Variants in TAF4 observed in about 807,000 individuals in gnomAD.
The protein encoded by TAF4 is TATA-box binding protein associated factor 4.
Under a neutral mutation model 90.3 loss-of-function variants are expected in TAF4, and 9 were observed. The ratio of observed to expected loss-of-function variants is 0.10; its 90% CI spans 0.06 to 0.17. The LOEUF is 0.17. Ranked by LOEUF, TAF4 falls within the 10% of genes least tolerant of loss-of-function variation. The probability of loss-of-function intolerance (pLI) is 1.00; values close to 1 mark genes in which losing one functional copy is unlikely to be tolerated. For synonymous variants in TAF4, 818 were observed against 638.9 expected (o/e 1.28, Z -4.23); for missense variants, 1,351 against 1,370.7 (o/e 0.99, Z 0.23).
chr20:62,036,239 G>A (rs2055932039), intron 1 of TAF4, among the ~76,000 whole-genome samples: 1 of 152,178 alleles, frequency 6.6e-6, no homozygotes, highest in Non-Finnish European at 1.5e-5. Context: ...TGGCCAGGCT[G>A]GTCTCGAACT....
At chr20:61,980,639 T>TC (rs1458314615) in intron 14 of TAF4, 1 of 152,346 alleles carries the variant, frequency 6.6e-6, no homozygotes, top group South Asian at 2.1e-4. Context: ...TAGCATCACT[T>TC]CCGGGAGGCC....
intron 1 of TAF4, among the ~76,000 whole-genome samples, chr20:62,057,213 G>A (rs1017190929): frequency 7.9e-5 from 12 of 152,170 alleles, no homozygotes; most frequent in African/African-American, 2.9e-4. Flanking sequence ...GCCCCCAGTG[G>A]ACCAGCTGAC....
At position 62,006,948 on chromosome 20, in the gene TAF4, T is replaced by C. The variant is rs1336760382; in HGVS notation, c.1975-190A>G. 1.5e-6 allele frequency: 1 copy of C among 654,652 alleles called. No homozygotes were observed. Among genetic ancestry groups the C allele is most frequent in the Non-Finnish European group, 2.2e-6 (1 of 453,570 alleles). The allele number at this position is 654,652 out of a possible 1,614,324, so 40.6% of individuals were successfully genotyped here. On this transcript the variant is annotated intron_variant, in intron 6 of 14. Coordinates refer to ENST00000252996, the MANE Select transcript of TAF4 (RefSeq NM_003185.4). This position sits in a 1 kb window ranked among gnomAD's most constrained non-coding sequence, Gnocchi z 7.0. Reference sequence around the variant, plus strand: ...CCTGCCCTCCCACTAAGTGGGATTATTCCTGATAGCAAATGTCCAAAATGT... The same window carrying C: ...CCTGCCCTCCCACTAAGTGGGATTACTCCTGATAGCAAATGTCCAAAATGT...
At chr20:61,989,238 C>A (rs1278555923) in intron 14 of TAF4, among the ~76,000 whole-genome samples, 1 of 152,080 alleles carries the variant, frequency 6.6e-6, no homozygotes. Context: ...GGAGCAGGGG[C>A]CCCAGCAATC....
At chr20:62,018,683 CAGA>C (rs2055826275) in intron 1 of TAF4, among the ~76,000 whole-genome samples, 1 of 152,232 alleles carries the variant, frequency 6.6e-6, no homozygotes, top group African/African-American at 2.4e-5. Flanking sequence ...GTGAGGAATG[CAGA>C]GAGGAGCCAA....
chr20:62,031,846 G>A (rs76715809), intron 1 of TAF4, among the ~76,000 whole-genome samples: 8 of 152,024 alleles, frequency 5.3e-5, no homozygotes, highest in Non-Finnish European at 1.2e-4. Context: ...ACCCGGAGAC[G>A]GGGCTCGCAG....
At chr20:62,050,614 G>A (rs1281461549) in intron 1 of TAF4, among the ~76,000 whole-genome samples, 2 of 152,016 alleles carry the variant, frequency 1.3e-5, no homozygotes, top group African/African-American at 4.8e-5. Flanking sequence ...AAGGACAAGA[G>A]AGTTCAATAA....
Position 62,064,578 on chromosome 20 carries a change from G to C in TAF4, c.1233C>G (p.Ser411Arg). 6.7e-7 allele frequency: 1 copy of C among 1,502,910 alleles called. No individual in the cohort carries two copies. The highest frequency in any genetic ancestry group is 8.8e-7 in the Non-Finnish European group (1 of 1,131,282). The allele number at this position is 1,502,910 out of a possible 1,614,324, so 93.1% of individuals were successfully genotyped here. ...TGGTGGCCGTGGGCGTCCGGGACAGGCTCTGGGTCACTGCGCCGGCCGCGC... is the reference window on the plus strand; with the variant it reads ...TGGTGGCCGTGGGCGTCCGGGACAGCCTCTGGGTCACTGCGCCGGCCGCGC... Reference protein sequence around the residue: ...PKGAAGAVTQSLSRTPTATTS... With the variant: ...PKGAAGAVTQRLSRTPTATTS... The change falls in exon 1 of 15, where the codon AGC becomes AGG. Residue 411 changes from serine to arginine, a missense_variant. This residue lies in a region of TAF4 where 782 missense variants were observed against 536.6 expected (regional missense o/e 1.46). Coordinates refer to ENST00000252996, the MANE Select transcript of TAF4 (RefSeq NM_003185.4).
At chr20:62,059,759 AAGAAGAAAAGCAAAGC>A (rs2056079354) in intron 1 of TAF4, among the ~76,000 whole-genome samples, 2 of 152,226 alleles carry the variant, frequency 1.3e-5, no homozygotes, top group African/African-American at 4.8e-5. Flanking sequence ...GAGCACCATG[AAGAAGAAAAGCAAAGC>A]ACTTCGGGAA....
At chr20:62,001,032 C>G (rs1049449963) in intron 9 of TAF4, among the ~76,000 whole-genome samples, 1 of 152,234 alleles carries the variant, frequency 6.6e-6, no homozygotes, top group African/African-American at 2.4e-5. Flanking sequence ...TTGTGGGGGT[C>G]TGATCTATGC....
chr20:62,003,029 G>GC lies in TAF4; in HGVS notation c.2486+130dup, dbSNP rs2055716988. On this transcript the variant is annotated intron_variant, in intron 9 of 14. Coordinates refer to ENST00000252996, the MANE Select transcript of TAF4 (RefSeq NM_003185.4). ...AACGTGAGGTCAAAGTGAGCGTGAA[G>GC]CAGGAGCCTTGGAGCCCCGGCCGCC... The GC allele has an allele frequency of 2.8e-5, 18 of 654,168 alleles. No homozygotes were observed. In the Middle Eastern group the frequency reaches 7.6e-4, roughly 28 times the overall value. The allele number at this position is 654,168 out of a possible 1,614,324, so 40.5% of individuals were successfully genotyped here. A position where few individuals can be genotyped will look rare whatever the true frequency, so the allele number is the denominator to read the frequency against.
chr20:62,044,598 C>T (rs1268192425), intron 1 of TAF4, among the ~76,000 whole-genome samples: 3 of 152,144 alleles, frequency 2.0e-5, no homozygotes, highest in Non-Finnish European at 1.5e-5. Context: ...TTAAACTTTA[C>T]TCTCATGTTA....
chr20:62,025,594 C>A (rs2055870254), intron 1 of TAF4, among the ~76,000 whole-genome samples: 2 of 152,196 alleles, frequency 1.3e-5, no homozygotes. Context: ...TGGCAGTTTC[C>A]TCTGCCCTCC....
intron 1 of TAF4, chr20:62,037,705 G>A (rs1473739): frequency 0.1 from 21,216 of 204,084 alleles, 1,815 homozygotes; most frequent in East Asian, 0.44. Context: ...CGCTCTTTTC[G>A]GGTCACCAAC....
At chr20:62,001,087 C>A (rs1363295322) in intron 9 of TAF4, among the ~76,000 whole-genome samples, 1 of 152,192 alleles carries the variant, frequency 6.6e-6, no homozygotes, top group African/African-American at 2.4e-5. Flanking sequence ...TTTTTAAAGG[C>A]TCAGAAGTTG....
rs571856025 is a variant in TAF4 at position 62,045,531 on chromosome 20, C to T, written c.1360+18920G>A. On this transcript the variant is annotated intron_variant, in intron 1 of 14. Transcript: ENST00000252996. ...CACCCGTGGTCTCGGTTCTACAGTT[C>T]TCCCTTGGTGACAGGAATACAGACT... is the stretch of plus-strand genomic sequence containing the variant. 3.3e-5 allele frequency among the ~76,000 whole-genome samples: 5 copies of T among 152,370 alleles called. No homozygotes were observed. In the East Asian group the frequency reaches 9.6e-4, roughly 29 times the overall value.
chr20:61,993,556 G>T (rs559127460), intron 14 of TAF4, among the ~76,000 whole-genome samples: 20 of 152,304 alleles, frequency 1.3e-4, no homozygotes, highest in African/African-American at 4.6e-4. Context: ...CAAGTTTAAT[G>T]GGAAAGGACG....
At chr20:62,009,949 C>T in intron 4 of TAF4, 97 bp downstream of exon 4, 1 of 1,577,508 alleles carries the variant, frequency 6.3e-7, no homozygotes, top group South Asian at 1.1e-5. Context: ...AGTGAGCGGT[C>T]TGGGACAGAA....
chr20:62,065,157 G>T lies in TAF4; in HGVS notation c.654C>A (p.Val218=). Reference sequence around the variant, plus strand: ...GCAGCAGCGCGGCGGGCCCGTTGTTGACCAGGCTGACAGCAGGTGCGGCGG... The same window carrying T: ...GCAGCAGCGCGGCGGGCCCGTTGTTTACCAGGCTGACAGCAGGTGCGGCGG... The part of the protein sequence containing the change: ...HHAAAPAVSL[V]NNGPAALLPL... The change falls in exon 1 of 15, where the codon GTC becomes GTA. Residue 218 remains valine (V), a synonymous_variant. Transcript: ENST00000252996. 1 of 1,209,466 alleles carries T rather than the reference G, an allele frequency of 8.3e-7. No individual in the cohort carries two copies. The highest frequency in any genetic ancestry group is 1.1e-6 in the Non-Finnish European group (1 of 948,458). 74.9% of individuals were successfully genotyped at this position (1,209,466 alleles called of 1,614,324 possible).
Sources: gnomAD v4.1 joint callset for allele counts (sites outside exome capture counted in the v4.1 genomes callset) on GRCh38, gnomAD v4.1.1 for gene constraint, gnomAD v4.1.1 regional missense constraint, Gnocchi (gnomAD v3.1) non-coding constraint, MANE v1.5 for transcripts, NCBI Gene and HGNC (gene_info 2026-07-23, HGNC 2026-07-21) for gene names.